Variants in GPC5 observed in about 807,000 individuals in gnomAD.
The protein encoded by GPC5 is glypican 5.
GPC5 carries 47 observed loss-of-function variants against 53.9 expected under a neutral mutation model. The observed-to-expected ratio is 0.87, with a 90% confidence interval of 0.69 to 1.11. The LOEUF is 1.11. GPC5 is among the 50% of genes most tolerant of loss of function. GPC5 has a pLI of 0.00. For missense variants in GPC5, 748 were observed against 713.1 expected, an observed-to-expected ratio of 1.05 and a Z score of -0.56; for synonymous variants, 286 against 263.3, an observed-to-expected ratio of 1.09 and a Z score of -0.84.
chr13:92,518,288 T>C (rs963015399), intron 7 of GPC5, among the ~76,000 whole-genome samples: 2 of 152,100 alleles, frequency 1.3e-5, no homozygotes, highest in Non-Finnish European at 2.9e-5. Flanking sequence ...GCCACAAAGA[T>C]ACTCCTCAAG....
intron 7 of GPC5, among the ~76,000 whole-genome samples, chr13:92,369,229 G>T (rs1164836880): frequency 6.6e-6 from 1 of 152,194 alleles, no homozygotes; most frequent in East Asian, 1.9e-4. Flanking sequence ...TTTCACCCAG[G>T]CTGGAGTGCA....
intron 7 of GPC5, among the ~76,000 whole-genome samples, chr13:92,851,357 G>A (rs1346929833): frequency 1.3e-5 from 2 of 151,740 alleles, no homozygotes; most frequent in African/African-American, 4.8e-5. Context: ...TTGGCTCCCA[G>A]AATTTTTGCA....
At chr13:91,675,344 AC>A (rs1271513514) in intron 2 of GPC5, among the ~76,000 whole-genome samples, 1 of 152,218 alleles carries the variant, frequency 6.6e-6, no homozygotes, top group African/African-American at 2.4e-5. Flanking sequence ...GATATATGGC[AC>A]TAAATATGTG....
intron 7 of GPC5, among the ~76,000 whole-genome samples, chr13:92,451,068 T>C (rs1274510863): frequency 6.6e-6 from 1 of 152,206 alleles, no homozygotes; most frequent in East Asian, 1.9e-4. Flanking sequence ...ACAGCAATAA[T>C]TAATGAATTG....
intron 2 of GPC5, among the ~76,000 whole-genome samples, chr13:91,456,046 A>G (rs1566414638): frequency 6.6e-6 from 1 of 152,028 alleles, no homozygotes; most frequent in Non-Finnish European, 1.5e-5. Flanking sequence ...TGGCCCAGAG[A>G]TCTCCCATTC....
intron 7 of GPC5, among the ~76,000 whole-genome samples, chr13:92,629,367 T>A (rs1298028412): frequency 6.6e-6 from 1 of 152,170 alleles, no homozygotes; most frequent in Non-Finnish European, 1.5e-5. Context: ...GATGAAGGTA[T>A]CAGGTCTTAA....
intron 7 of GPC5, among the ~76,000 whole-genome samples, chr13:92,347,580 G>T (rs1429046772): frequency 2.0e-5 from 3 of 151,340 alleles, no homozygotes; most frequent in Non-Finnish European, 4.4e-5. Context: ...AATTAATAAT[G>T]ATACATATGA....
rs180975713 is a variant in GPC5 at position 92,427,852 on chromosome 13, G to A, written c.1561+282863G>A. On this transcript the variant is annotated intron_variant, in intron 7 of 7. Coordinates refer to ENST00000377067, the MANE Select transcript of GPC5 (RefSeq NM_004466.6). ...TAGTTGCTAACAAATGCTTCTTATG[G>A]CAAATTAAGTAAGGAAGAAGTGTTT... is the stretch of plus-strand genomic sequence containing the variant. 2.8e-3 allele frequency among the ~76,000 whole-genome samples: 423 copies of A among 152,166 alleles called. 1 individual carries two copies. Among genetic ancestry groups the A allele is most frequent in the African/African-American group, 9.6e-3 (398 of 41,534 alleles).
At chr13:92,134,160 A>G (rs778099922) in intron 6 of GPC5, among the ~76,000 whole-genome samples, 1 of 152,144 alleles carries the variant, frequency 6.6e-6, no homozygotes, top group African/African-American at 2.4e-5. Context: ...TTTGGAATTT[A>G]TTCACTTGTT....
At chr13:91,422,405 G>T (rs1322296253) in intron 1 of GPC5, among the ~76,000 whole-genome samples, 1 of 152,146 alleles carries the variant, frequency 6.6e-6, no homozygotes, top group Non-Finnish European at 1.5e-5. Context: ...GGAGGCCGAG[G>T]TGGGTGGATC....
chr13:92,432,438 G>A (rs1477313804), intron 7 of GPC5, among the ~76,000 whole-genome samples: 2 of 135,702 alleles, frequency 1.5e-5, no homozygotes, highest in Non-Finnish European at 1.5e-5. Context: ...TGCAAGCTCC[G>A]CCTCCTGGGT....
chr13:91,684,583 T>A (rs1300124149), intron 2 of GPC5, among the ~76,000 whole-genome samples: 1 of 152,178 alleles, frequency 6.6e-6, no homozygotes, highest in Non-Finnish European at 1.5e-5. Context: ...ATCTGATCAC[T>A]TATTGCAGCA....
chr13:91,782,456 GA>G lies in GPC5; in HGVS notation c.1280+26039del, dbSNP rs1260865913. ...AAGGACCTTCTTCACATGGCGCCAG[GA>G]AAGAGAGAGAAGAGCAGGAGAGACT... On this transcript the variant is annotated intron_variant, in intron 5 of 7. Transcript: ENST00000377067. Among the ~76,000 whole-genome samples, 16 of 152,224 alleles carry G rather than the reference GA, an allele frequency of 1.1e-4. No homozygotes were observed. The East Asian group carries it at 2.9e-3, about 28-fold the overall frequency.
chr13:92,781,803 G>C (rs928299068), intron 7 of GPC5, among the ~76,000 whole-genome samples: 1 of 152,262 alleles, frequency 6.6e-6, no homozygotes, highest in Non-Finnish European at 1.5e-5. Context: ...ACTGTTCACT[G>C]TGACTGATAG....
At chr13:92,792,223 C>T (rs191741991) in intron 7 of GPC5, among the ~76,000 whole-genome samples, 1 of 152,128 alleles carries the variant, frequency 6.6e-6, no homozygotes, top group East Asian at 1.9e-4. Flanking sequence ...CGGCAGAAAC[C>T]CTACAAGCCA....
intron 1 of GPC5, among the ~76,000 whole-genome samples, chr13:91,428,232 T>C (rs1315493598): frequency 6.6e-6 from 1 of 152,182 alleles, no homozygotes; most frequent in Non-Finnish European, 1.5e-5. Flanking sequence ...GAATGAGGCA[T>C]GCAGTCACTG....
intron 2 of GPC5, among the ~76,000 whole-genome samples, chr13:91,652,200 T>C (rs1243121268): frequency 6.6e-6 from 1 of 152,244 alleles, no homozygotes; most frequent in Non-Finnish European, 1.5e-5. Flanking sequence ...AAATCTAATG[T>C]CTTTTCCATC....
chr13:92,617,934 C>T (rs560161439), intron 7 of GPC5, among the ~76,000 whole-genome samples: 17 of 152,144 alleles, frequency 1.1e-4, no homozygotes, highest in Non-Finnish European at 1.3e-4. Flanking sequence ...GTGCTGCACC[C>T]GTTAAGACAC....
At chr13:92,004,457 ATT>A (rs376184380) in intron 6 of GPC5, among the ~76,000 whole-genome samples, 9,290 of 30,200 alleles carry the variant, frequency 0.31, 688 homozygotes, top group African/African-American at 0.43. Flanking sequence ...AAAAAAAAAA[ATT>A]ATATATATAT....
Sources: gnomAD v4.1 joint callset for allele counts (sites outside exome capture counted in the v4.1 genomes callset) on GRCh38, gnomAD v4.1.1 for gene constraint, MANE v1.5 for transcripts, NCBI Gene and HGNC (gene_info 2026-07-23, HGNC 2026-07-21) for gene names.